SIL1: variants seen among roughly 807,000 people sequenced by gnomAD.
SIL1 encodes the protein SIL1 nucleotide exchange factor.
Under a neutral mutation model 49.1 loss-of-function variants are expected in SIL1, and 40 were observed. The observed-to-expected ratio is 0.81, with a 90% confidence interval of 0.63 to 1.06. SIL1 has a LOEUF of 1.06. Ranked by LOEUF, SIL1 falls within the 50% of genes least tolerant of loss-of-function variation. SIL1 has a pLI of 0.00. For synonymous variants in SIL1, 253 were observed against 250.8 expected (o/e 1.01, Z -0.08); for missense variants, 500 against 572.6 (o/e 0.87, Z 1.29).
intron 5 of SIL1, chr5:139,036,107 T>C (rs2150440730): frequency 6.6e-6 from 1 of 152,328 alleles, no homozygotes; most frequent in East Asian, 1.9e-4. Context: ...TCCCATTCTG[T>C]AGGTTGTTTA....
Position 139,029,063 on chromosome 5 carries a change from C to T in SIL1, c.454-2071G>A, listed in dbSNP as rs1324811548. Among the ~76,000 whole-genome samples, 3 of 152,212 alleles carry T rather than the reference C, an allele frequency of 2.0e-5. No homozygotes were observed. In the East Asian group the frequency reaches 5.8e-4, roughly 29 times the overall value. On this transcript the variant is annotated intron_variant, in intron 5 of 9. Transcript: ENST00000394817. ...GGCCAAGGCAGGTGGACAACTTGAG[C>T]TCAGGAGTTCCAGACCAGTCTGGGC...
chr5:139,100,703 C>A (rs6596462), intron 3 of SIL1, among the ~76,000 whole-genome samples: 1 of 151,904 alleles, frequency 6.6e-6, no homozygotes, highest in African/African-American at 2.4e-5. Context: ...CTGTTGGGAT[C>A]GGCTGTCAGA....
chr5:139,056,460 A>G (rs1180939590), intron 3 of SIL1, among the ~76,000 whole-genome samples: 1 of 147,482 alleles, frequency 6.8e-6, no homozygotes, highest in Non-Finnish European at 1.5e-5. Flanking sequence ...GGAAGTGAGG[A>G]GCGTCTCCGC....
intron 3 of SIL1, among the ~76,000 whole-genome samples, chr5:139,096,087 C>G (rs759950199): frequency 3.1e-4 from 47 of 152,144 alleles, no homozygotes; most frequent in Admixed American, 2.4e-3. Flanking sequence ...GCCCACCCCC[C>G]CAACAGTGGC....
chr5:139,141,711 G>T (rs1751083772), intron 1 of SIL1, among the ~76,000 whole-genome samples: 1 of 152,034 alleles, frequency 6.6e-6, no homozygotes, highest in South Asian at 2.1e-4. Flanking sequence ...AGAACCTAAT[G>T]GCATACATAT....
chr5:138,992,276 G>A (rs1767775951), intron 7 of SIL1, among the ~76,000 whole-genome samples: 1 of 152,230 alleles, frequency 6.6e-6, no homozygotes, highest in Non-Finnish European at 1.5e-5. Context: ...CCTTCAGAGA[G>A]ATGGCCCTTT....
chr5:139,149,637 G>T (rs1057445082), intron 1 of SIL1, among the ~76,000 whole-genome samples: 2 of 152,188 alleles, frequency 1.3e-5, no homozygotes, highest in African/African-American at 4.8e-5. Flanking sequence ...GACAACAGAC[G>T]TCTCATTCAG....
intron 1 of SIL1, among the ~76,000 whole-genome samples, chr5:139,149,402 T>C (rs776050727): frequency 6.6e-6 from 1 of 152,178 alleles, no homozygotes; most frequent in Non-Finnish European, 1.5e-5. Context: ...CAGAAGATTA[T>C]TCATCCTTCC....
At chr5:139,135,477 A>C (rs534755038) in intron 1 of SIL1, among the ~76,000 whole-genome samples, 12 of 152,210 alleles carry the variant, frequency 7.9e-5, no homozygotes, top group Non-Finnish European at 1.6e-4. Context: ...GAACAGTGGC[A>C]GTACAGATGT....
rs562761892 is a variant in SIL1 at position 139,078,245 on chromosome 5, A to G, written c.245-27199T>C. 6.6e-5 allele frequency among the ~76,000 whole-genome samples: 10 copies of G among 152,238 alleles called. No homozygotes were observed. The South Asian group carries it at 2.1e-3, about 32-fold the overall frequency. On this transcript the variant is annotated intron_variant, in intron 3 of 9. Transcript: ENST00000394817. ...GATCTCTTGGGTCCAAGAGTTTGAG[A>G]CCAGCCTGAGCAACACAGTGAGACC...
chr5:139,056,519 G>A (rs1769430895), intron 3 of SIL1, among the ~76,000 whole-genome samples: 1 of 150,014 alleles, frequency 6.7e-6, no homozygotes, highest in Non-Finnish European at 1.5e-5. Context: ...CCCCCCGCCA[G>A]GCCAGCCGCC....
intron 3 of SIL1, among the ~76,000 whole-genome samples, chr5:139,052,036 CT>C (rs1428307827): frequency 6.6e-6 from 1 of 152,198 alleles, no homozygotes; most frequent in East Asian, 1.9e-4. Context: ...CATTGCCTTG[CT>C]GGTGTTAAGT....
intron 4 of SIL1, among the ~76,000 whole-genome samples, chr5:139,049,412 G>T (rs1003582768): frequency 1.3e-5 from 2 of 152,110 alleles, no homozygotes; most frequent in African/African-American, 4.8e-5. Context: ...GCTGACCTTA[G>T]GTGATCCGCC....
Position 139,187,517 on chromosome 5 carries a change from T to TAAA in SIL1, c.-11+10749_-11+10751dup, listed in dbSNP as rs36105029. ...GGGGCAACAGAGCAAGACTCCATCT[T>TAAA]AAAAAAAAAAAAAAAAGTAGGAAAC... On this transcript the variant is annotated intron_variant, in intron 1 of 9. Coordinates refer to ENST00000394817, the MANE Select transcript of SIL1 (RefSeq NM_022464.5). 3.1e-3 allele frequency among the ~76,000 whole-genome samples: 420 copies of TAAA among 136,082 alleles called. 3 individuals are homozygous for TAAA. Among genetic ancestry groups the TAAA allele is most frequent in the African/African-American group, 0.011 (394 of 36,122 alleles). The allele number at this position is 136,082 out of a possible 152,430, so 89.3% of individuals were successfully genotyped here. A position where few individuals can be genotyped will look rare whatever the true frequency, so the allele number is the denominator to read the frequency against.
intron 1 of SIL1, among the ~76,000 whole-genome samples, chr5:139,170,852 G>A (rs1322479976): frequency 7.1e-4 from 104 of 145,780 alleles, no homozygotes; most frequent in Non-Finnish European, 1.3e-3. Context: ...CCGGCCAGCC[G>A]CCCCGTCCGG....
intron 4 of SIL1, among the ~76,000 whole-genome samples, chr5:139,049,147 T>C (rs1464974220): frequency 6.6e-6 from 1 of 152,154 alleles, no homozygotes; most frequent in Non-Finnish European, 1.5e-5. Flanking sequence ...CTCCTTCTGA[T>C]TACATCTAAC....
At chr5:139,117,612 C>T (rs1392815642) in intron 3 of SIL1, among the ~76,000 whole-genome samples, 1 of 152,142 alleles carries the variant, frequency 6.6e-6, no homozygotes, top group Non-Finnish European at 1.5e-5. Context: ...GACCTGCCAG[C>T]AAACAGCTTT....
intron 3 of SIL1, among the ~76,000 whole-genome samples, chr5:139,053,648 G>C (rs970808650): frequency 7.9e-5 from 12 of 152,112 alleles, no homozygotes; most frequent in African/African-American, 2.9e-4. Flanking sequence ...TAGGCACACT[G>C]GTCTTTTTCC....
intron 7 of SIL1, among the ~76,000 whole-genome samples, chr5:138,957,414 T>TAAAA (rs58144526): frequency 3.3e-5 from 3 of 91,424 alleles, no homozygotes; most frequent in African/African-American, 7.0e-5. Flanking sequence ...TCTGCAAAAG[T>TAAAA]AAAAAAAAAA....
Sources: allele counts gnomAD v4.1 joint callset (sites outside exome capture counted in the v4.1 genomes callset), GRCh38; gene constraint gnomAD v4.1.1; transcripts MANE v1.5; gene names NCBI Gene and HGNC (gene_info 2026-07-23, HGNC 2026-07-21).